The following APOBEC1 variants were observed in gnomAD, a reference collection of about 807,000 sequenced individuals.
APOBEC1 encodes C->U-editing enzyme APOBEC-1.
A neutral mutation model predicts 26.3 loss-of-function variants in APOBEC1; 22 were observed. The observed-to-expected ratio is 0.84, with a 90% CI of 0.60 to 1.19. The LOEUF (loss-of-function observed/expected upper bound fraction) is 1.19, where lower values mean the gene tolerates loss of function less well. Ranked by LOEUF, APOBEC1 falls within the 50% of genes most tolerant of loss-of-function variation. The probability of loss-of-function intolerance (pLI) is 0.00; values close to 1 mark genes in which losing one functional copy is unlikely to be tolerated. For missense variants in APOBEC1, 253 were observed against 289.0 expected, an observed-to-expected ratio of 0.88 and a Z score of 0.90; for synonymous variants, 77 against 95.3, an observed-to-expected ratio of 0.81 and a Z score of 1.12.
At chr12:7,667,222 T>C (rs190143932), upstream of APOBEC1, among the ~76,000 whole-genome samples, 1 of 152,262 alleles carries the variant, frequency 6.6e-6, no homozygotes, top group Admixed American at 6.5e-5. Context: ...ACTTCTGCTT[T>C]TTTATCCCCC....
At chr12:7,657,575 A>ATT (rs1555094303) in intron 1 of APOBEC1, among the ~76,000 whole-genome samples, 1 of 95,982 alleles carries the variant, frequency 1.0e-5, no homozygotes, top group East Asian at 2.3e-4. Flanking sequence ...ACAAAACAAA[A>ATT]TTAAAAAACA....
Position 7,651,051 on chromosome 12 carries a change from T to C in APOBEC1, c.533A>G (p.Tyr178Cys). 2 of 1,613,986 alleles carry C rather than the reference T, an allele frequency of 1.2e-6. No individual in the cohort carries two copies. Among genetic ancestry groups the C allele is most frequent in the Middle Eastern group, 3.3e-4 (2 of 6,062 alleles). ...AATTATGCAGTGCAGCTCCAGTGCG[T>C]ACAACATCATCCACAGAGGTGGGTA... Reference protein sequence around the residue: ...PQYPPLWMMLYALELHCIILS... With the variant: ...PQYPPLWMMLCALELHCIILS... The change falls in exon 4 of 5, where the codon TAC (tyrosine) becomes TGC (cysteine). Residue 178 changes from tyrosine to cysteine, a missense_variant. Transcript: ENST00000229304.
At chr12:7,654,413 C>CCCG (rs956283654) in intron 2 of APOBEC1, among the ~76,000 whole-genome samples, 192 bp downstream of exon 2, 1 of 148,124 alleles carries the variant, frequency 6.8e-6, no homozygotes, top group Non-Finnish European at 1.5e-5. Context: ...AGTCTGTTAC[C>CCCG]CCGGCTGCAG....
intron 1 of APOBEC1, among the ~76,000 whole-genome samples, chr12:7,661,632 T>C (rs1216133499): frequency 6.6e-6 from 1 of 152,014 alleles, no homozygotes; most frequent in Non-Finnish European, 1.5e-5. Flanking sequence ...GTAAAGAACA[T>C]ATGGAAAGAT....
rs189976772 is a variant in APOBEC1, at chr12:7,651,851, C to T, written c.442+587G>A. Among the ~76,000 whole-genome samples the T allele has an allele frequency of 1.6e-3, 236 of 151,590 alleles. 1 individual carries two copies. Among genetic ancestry groups the T allele is most frequent in the African/African-American group, 5.2e-3 (215 of 41,406 alleles). ...TTTATTTTATCTTGAGACGGAGTCT[C>T]GCTCTGTCGCCCAGGCTGGAGTGCA... is the stretch of plus-strand genomic sequence containing the variant. On this transcript the variant is annotated intron_variant, in intron 3 of 4. Transcript: ENST00000229304.
chr12:7,649,958 G>A (rs1405316643), intron 4 of APOBEC1, among the ~76,000 whole-genome samples: 1 of 151,970 alleles, frequency 6.6e-6, no homozygotes, highest in Non-Finnish European at 1.5e-5. Flanking sequence ...TGGGACTACA[G>A]GCACGCACCA....
At position 7,660,378 on chromosome 12, in the gene APOBEC1, A is replaced by AGGAAGGAAGGAAGGAAGGAC. The variant is rs1257234032; in HGVS notation, c.16+5478_16+5479insGTCCTTCCTTCCTTCCTTCC. 2.7e-3 allele frequency among the ~76,000 whole-genome samples: 269 copies of AGGAAGGAAGGAAGGAAGGAC among 100,738 alleles called. 16 individuals carry two copies. Among genetic ancestry groups the AGGAAGGAAGGAAGGAAGGAC allele is most frequent in the Non-Finnish European group, 4.0e-3 (191 of 47,798 alleles). 66.1% of individuals were successfully genotyped at this position (100,738 alleles called of 152,430 possible). A position where few individuals can be genotyped will look rare whatever the true frequency, so the allele number is the denominator to read the frequency against. ...AAGGAAGGAAGGAAGGAAGGAAGGA[A>AGGAAGGAAGGAAGGAAGGAC]AGAAAGAAAGAAAGAAAGAAAGAAA... On this transcript the variant is annotated intron_variant, in intron 1 of 4. Coordinates refer to ENST00000229304, the MANE Select transcript of APOBEC1 (RefSeq NM_001644.5).
upstream of APOBEC1, among the ~76,000 whole-genome samples, chr12:7,669,341 T>C (rs1863928823): frequency 6.6e-6 from 1 of 152,170 alleles, no homozygotes; most frequent in Non-Finnish European, 1.5e-5. Flanking sequence ...TAATTTTCAT[T>C]GCTGAATAGT....
chr12:7,661,812 A>G (rs184319879), intron 1 of APOBEC1, among the ~76,000 whole-genome samples: 104 of 152,318 alleles, frequency 6.8e-4, no homozygotes, highest in African/African-American at 2.2e-3. Context: ...TGCTGCTCTT[A>G]GGTATAGAAC....
In APOBEC1 at chr12:7,652,587, T is replaced by C; in HGVS notation, c.293A>G (p.Gln98Arg). The C allele has an allele frequency of 1.2e-6, 2 of 1,614,234 alleles. No homozygotes were observed. The highest frequency in any genetic ancestry group is 1.7e-6 in the Non-Finnish European group (2 of 1,180,040). ...CCGACTCAGAAACTCTCTAATAGCCTGGGAGCATTCCCAGCAGGGACTCCA... is the reference window on the plus strand; with the variant it reads ...CCGACTCAGAAACTCTCTAATAGCCCGGGAGCATTCCCAGCAGGGACTCCA... ...LSWSPCWECS[Q>R]AIREFLSRHP... The change falls in exon 3 of 5, where the codon CAG becomes CGG. Residue 98 changes from glutamine (Q) to arginine (R), a missense_variant. Physicochemically the swap from Gln to Arg is conservative, Grantham distance 43 (BLOSUM62 1). Coordinates refer to ENST00000229304, the MANE Select transcript of APOBEC1 (RefSeq NM_001644.5).
At chr12:7,661,006 A>T (rs1052887792) in intron 1 of APOBEC1, among the ~76,000 whole-genome samples, 1 of 149,096 alleles carries the variant, frequency 6.7e-6, no homozygotes, top group African/African-American at 2.5e-5. Flanking sequence ...ATCCTGGCTA[A>T]CATGGTGAAA....
chr12:7,662,590 A>C (rs1487688187), intron 1 of APOBEC1, among the ~76,000 whole-genome samples: 1 of 152,228 alleles, frequency 6.6e-6, no homozygotes, highest in Non-Finnish European at 1.5e-5. Context: ...CCATCTCAAA[A>C]AAAAAGGAAG....
chr12:7,654,543 C>T, intron 2 of APOBEC1, 62 bp downstream of exon 2: 1 of 1,549,960 alleles, frequency 6.5e-7, no homozygotes, highest in East Asian at 2.2e-5. Context: ...CCATGCACAG[C>T]TCTTAAATAC....
rs748052645 is a variant in APOBEC1 at position 7,652,514 on chromosome 12, G to A, written c.366C>T (p.His122=). The part of the protein sequence containing the change: ...LVIYVARLFW[H]MDQQNRQGLR... ...GACCTTGCCGATTTTGTTGATCCATGTGCCAAAAAAGCCGAGCTACGTAGA... is the reference window on the plus strand; with the variant it reads ...GACCTTGCCGATTTTGTTGATCCATATGCCAAAAAAGCCGAGCTACGTAGA... Residue 122 remains histidine, a synonymous_variant, in exon 3 of 5, where the codon CAC becomes CAT. Coordinates refer to ENST00000229304, the MANE Select transcript of APOBEC1 (RefSeq NM_001644.5). 1 of 1,614,112 alleles carries A rather than the reference G, an allele frequency of 6.2e-7. No homozygotes were observed. Among genetic ancestry groups the A allele is most frequent in the South Asian group, 1.1e-5 (1 of 91,078 alleles).
intron 1 of APOBEC1, among the ~76,000 whole-genome samples, chr12:7,658,894 G>C (rs983466492): frequency 6.6e-6 from 1 of 150,994 alleles, no homozygotes; most frequent in East Asian, 1.9e-4. Context: ...CAGAGGTTGC[G>C]GTGAGCCCAG....
chr12:7,654,602 T>A lies in APOBEC1; in HGVS notation c.44+3A>T. 1 of 1,613,778 alleles carries A rather than the reference T, an allele frequency of 6.2e-7. No homozygotes were observed. Among genetic ancestry groups the A allele is most frequent in the Non-Finnish European group, 8.5e-7 (1 of 1,179,680 alleles). On this transcript the variant is annotated splice_donor_region_variant and intron_variant, in intron 2 of 4. Coordinates refer to ENST00000229304, the MANE Select transcript of APOBEC1 (RefSeq NM_001644.5). ...ATGGGCACTGTGATAGTGTTATTCT[T>A]ACCTCAGAGTGGGGTCACCGGTTGA...
intron 1 of APOBEC1, among the ~76,000 whole-genome samples, chr12:7,660,718 A>AG (rs1555095017): frequency 6.8e-6 from 1 of 146,860 alleles, no homozygotes; most frequent in East Asian, 2.0e-4. Context: ...AAAAAAAAAA[A>AG]GGGTATTTGA....
chr12:7,660,033 C>T (rs1176165560), intron 1 of APOBEC1, among the ~76,000 whole-genome samples: 3 of 151,814 alleles, frequency 2.0e-5, no homozygotes, highest in East Asian at 3.9e-4. Flanking sequence ...GGGCCGGGTG[C>T]GGTGGCTCAC....
chr12:7,662,983 C>A (rs1863841141), intron 1 of APOBEC1, among the ~76,000 whole-genome samples: 1 of 152,042 alleles, frequency 6.6e-6, no homozygotes, highest in South Asian at 2.1e-4. Flanking sequence ...AGGGAGAGTA[C>A]TGAATTTTAG....
Sources: gnomAD v4.1 joint callset for allele counts (sites outside exome capture counted in the v4.1 genomes callset) on GRCh38, gnomAD v4.1.1 for gene constraint, MANE v1.5 for transcripts, NCBI Gene and HGNC (gene_info 2026-07-23, HGNC 2026-07-21) for gene names.